Variants in RAVER2 observed in about 807,000 individuals in gnomAD.
RAVER2 encodes ribonucleoprotein PTB-binding 2.
Under a neutral mutation model 78.1 loss-of-function variants are expected in RAVER2, and 46 were observed. That is an observed-to-expected ratio of 0.59 (90% confidence interval 0.46 to 0.75). RAVER2 has a LOEUF of 0.75. Among genes scored for constraint, RAVER2 ranks in the 30% least tolerant of loss-of-function variants. The pLI is 0.00. For missense variants in RAVER2, 793 were observed against 837.5 expected (o/e 0.95, Z 0.66); for synonymous variants, 311 against 313.3 (o/e 0.99, Z 0.08).
At chr1:64,749,990 A>G (rs1216560770) in intron 1 of RAVER2, among the ~76,000 whole-genome samples, 2 of 152,046 alleles carry the variant, frequency 1.3e-5, no homozygotes, top group Non-Finnish European at 2.9e-5. Flanking sequence ...CATCTTGTTT[A>G]CCCTAAAATC....
At chr1:64,787,707 C>T (rs990415337) in intron 4 of RAVER2, among the ~76,000 whole-genome samples, 4 of 152,184 alleles carry the variant, frequency 2.6e-5, no homozygotes, top group Non-Finnish European at 5.9e-5. Flanking sequence ...CTATGGCTGT[C>T]ACTGGGGTGA....
chr1:64,752,488 TTC>T (rs1271887700), intron 1 of RAVER2, among the ~76,000 whole-genome samples: 1 of 152,182 alleles, frequency 6.6e-6, no homozygotes, highest in Non-Finnish European at 1.5e-5. Flanking sequence ...CCCAGTTAGT[TTC>T]TGAGTGTGCC....
chr1:64,767,027 G>GT (rs1557586346), intron 1 of RAVER2, among the ~76,000 whole-genome samples: 1 of 152,048 alleles, frequency 6.6e-6, no homozygotes, highest in Admixed American at 6.5e-5. Context: ...ATTGGTAAGT[G>GT]TATGTATTTT....
At chr1:64,812,614 G>C (rs1159401940) in intron 9 of RAVER2, 124 bp from the exon 10 acceptor site, 1 of 565,316 alleles carries the variant, frequency 1.8e-6, no homozygotes, top group Non-Finnish European at 3.0e-6. Flanking sequence ...GATAATTTTA[G>C]TGAACATCCA....
chr1:64,788,387 G>A (rs1221874177), intron 4 of RAVER2, among the ~76,000 whole-genome samples: 1 of 151,414 alleles, frequency 6.6e-6, no homozygotes, highest in African/African-American at 2.4e-5. Flanking sequence ...CAGGAGAATG[G>A]CGTGAACCCA....
intron 1 of RAVER2, among the ~76,000 whole-genome samples, chr1:64,752,319 TA>T (rs903571963): frequency 1.3e-5 from 2 of 152,222 alleles, no homozygotes; most frequent in African/African-American, 4.8e-5. Context: ...GCTTCCTCTT[TA>T]AAAGTCGGTT....
intron 1 of RAVER2, among the ~76,000 whole-genome samples, chr1:64,761,572 CAT>C (rs1652022587): frequency 6.6e-6 from 1 of 152,052 alleles, no homozygotes; most frequent in Non-Finnish European, 1.5e-5. Flanking sequence ...TTTCTTCAGA[CAT>C]AAAGATTATC....
chr1:64,803,053 G>T (rs1653312015), exon 6 of RAVER2: 2 of 1,590,778 alleles, frequency 1.3e-6, no homozygotes, highest in Non-Finnish European at 1.7e-6. Context: ...TTTGAATAAA[G>T]CACATCAGGT....
At chr1:64,790,925 G>A (rs1392802843) in intron 5 of RAVER2, among the ~76,000 whole-genome samples, 1 of 152,190 alleles carries the variant, frequency 6.6e-6, no homozygotes, top group Admixed American at 6.5e-5. Context: ...CCATATGGCT[G>A]CCCCCACTTT....
intron 5 of RAVER2, among the ~76,000 whole-genome samples, chr1:64,798,719 ACT>A (rs1233128573): frequency 6.6e-6 from 1 of 151,310 alleles, no homozygotes; most frequent in African/African-American, 2.4e-5. Flanking sequence ...TGTCTTAAAA[ACT>A]CTATTTTTTG....
rs749647362 is a variant in RAVER2 at position 64,777,913 on chromosome 1, C to CT, written c.608dup (p.Leu204IlefsTer3). On this transcript the variant is annotated frameshift_variant, in exon 3 of 12. Coordinates refer to ENST00000294428, the Ensembl canonical transcript of RAVER2. LOFTEE classifies it high-confidence loss of function. The stretch of plus-strand genomic sequence containing the variant: ...CTTTGCTGCAAAGGCTAGACTGGAG[C>CT]TATTGGGTAGACAGTTGGGAGCATC... 6.2e-7 allele frequency: 1 copy of CT among 1,614,082 alleles called. No individual in the cohort carries two copies. The highest frequency in any genetic ancestry group is 8.5e-7 in the Non-Finnish European group (1 of 1,179,982).
At chr1:64,827,187 GT>G (rs1451779812) in intron 11 of RAVER2, among the ~76,000 whole-genome samples, 1 of 152,200 alleles carries the variant, frequency 6.6e-6, no homozygotes, top group Non-Finnish European at 1.5e-5. Flanking sequence ...GTTAGTCACT[GT>G]GCGTCTTAAG....
chr1:64,751,296 C>T (rs1321236112), intron 1 of RAVER2, among the ~76,000 whole-genome samples: 2 of 152,184 alleles, frequency 1.3e-5, no homozygotes, highest in African/African-American at 2.4e-5. Context: ...CTAAGTAGTA[C>T]GACAACATCT....
chr1:64,818,790 G>A (rs539752492), intron 11 of RAVER2, among the ~76,000 whole-genome samples: 1 of 152,140 alleles, frequency 6.6e-6, no homozygotes, highest in Admixed American at 6.5e-5. Flanking sequence ...TTAAGTGAAG[G>A]GGGGACATCG....
In RAVER2 at chr1:64,745,555, G is replaced by T; in HGVS notation, c.249+134G>T. ...CGCCGAGTGGTGAGAGCGGCCCCTC[G>T]GTTTGACTGAGTTCTTGGGGTTTCT... On this transcript the variant is annotated intron_variant, in intron 1 of 11. Coordinates refer to ENST00000294428, the Ensembl canonical transcript of RAVER2. This position sits in a 1 kb window ranked among gnomAD's most constrained non-coding sequence, Gnocchi z 4.3. 8.4e-7 allele frequency: 1 copy of T among 1,186,408 alleles called. No individual in the cohort carries two copies. The highest frequency in any genetic ancestry group is 1.1e-6 in the Non-Finnish European group (1 of 912,338). 73.5% of individuals were successfully genotyped at this position (1,186,408 alleles called of 1,614,324 possible). A position where few individuals can be genotyped will look rare whatever the true frequency, so the allele number is the denominator to read the frequency against.
At chr1:64,767,388 T>TCTC (rs1198104559) in intron 1 of RAVER2, among the ~76,000 whole-genome samples, 2 of 152,006 alleles carry the variant, frequency 1.3e-5, no homozygotes, top group Non-Finnish European at 2.9e-5. Flanking sequence ...ATAGAGTGAA[T>TCTC]CTCCTCTCAG....
chr1:64,813,828 G>GAC lies in RAVER2; in HGVS notation c.1793-831_1793-830dup, dbSNP rs10566575. On this transcript the variant is annotated intron_variant, in intron 10 of 11. Transcript: ENST00000294428. ...TTTATATGCCTTGTTTTAGAGACTA[G>GAC]ACACACACACACACACACACACACA... is the stretch of plus-strand genomic sequence containing the variant. 7.6e-3 allele frequency among the ~76,000 whole-genome samples: 1,109 copies of GAC among 145,998 alleles called. 11 individuals are homozygous for GAC. The highest frequency in any genetic ancestry group is 0.017 in the Middle Eastern group (5 of 288).
At chr1:64,770,871 G>GT in intron 2 of RAVER2, among the ~76,000 whole-genome samples, 1 of 151,786 alleles carries the variant, frequency 6.6e-6, no homozygotes, top group Non-Finnish European at 1.5e-5. Flanking sequence ...AAACAATGAT[G>GT]TAAGTGATCC....
At chr1:64,774,394 A>G (rs1652405275) in intron 2 of RAVER2, among the ~76,000 whole-genome samples, 1 of 152,174 alleles carries the variant, frequency 6.6e-6, no homozygotes, top group Admixed American at 6.5e-5. Flanking sequence ...CTTTCTGCTT[A>G]TGGCTAGCCA....
Sources: allele counts gnomAD v4.1 joint callset (sites outside exome capture counted in the v4.1 genomes callset), GRCh38; gene constraint gnomAD v4.1.1; non-coding constraint Gnocchi (gnomAD v3.1); transcripts MANE v1.5; gene names NCBI Gene and HGNC (gene_info 2026-07-23, HGNC 2026-07-21).